FAT3: variants seen among roughly 807,000 people sequenced by gnomAD.
The protein encoded by FAT3 is FAT atypical cadherin 3.
A neutral mutation model predicts 310.2 loss-of-function variants in FAT3; 95 were observed. The ratio of observed to expected loss-of-function variants is 0.31; its 90% confidence interval spans 0.26 to 0.36. FAT3 has a LOEUF of 0.36. Ranked by LOEUF, FAT3 falls within the 10% of genes least tolerant of loss-of-function variation. FAT3 has a pLI of 1.00. For missense variants in FAT3, 5,408 were observed against 5,715.6 expected, an observed-to-expected ratio of 0.95 and a Z score of 1.74; for synonymous variants, 2,314 against 2,192.9, an observed-to-expected ratio of 1.06 and a Z score of -1.54.
intron 3 of FAT3, among the ~76,000 whole-genome samples, chr11:92,556,516 C>T (rs1272669214): frequency 6.6e-6 from 1 of 152,162 alleles, no homozygotes; most frequent in African/African-American, 2.4e-5. Context: ...TTTCTGTTTA[C>T]ATGCCTCCCT....
chr11:92,596,213 A>G (rs533411244), intron 3 of FAT3, among the ~76,000 whole-genome samples: 1 of 152,122 alleles, frequency 6.6e-6, no homozygotes, highest in Non-Finnish European at 1.5e-5. Flanking sequence ...GGGCTTCACC[A>G]TTGCGTTATC....
intron 2 of FAT3, among the ~76,000 whole-genome samples, chr11:92,474,837 G>C (rs950840131): frequency 6.6e-6 from 1 of 152,174 alleles, no homozygotes. Flanking sequence ...TAAGAAGGTG[G>C]ACAGTGGGGA....
At chr11:92,826,336 G>A (rs184918230) in intron 13 of FAT3, among the ~76,000 whole-genome samples, 1 of 152,338 alleles carries the variant, frequency 6.6e-6, no homozygotes, top group African/African-American at 2.4e-5. Context: ...GGGTCATAAA[G>A]ACTGAAATCT....
rs373120197 is a variant in FAT3, at chr11:92,353,590, C to A, written c.1478C>A (p.Thr493Lys). Residue 493 changes from threonine (T) to lysine (K), a missense_variant, in exon 2 of 28, where the codon ACA becomes AAA. Physicochemically the swap from Thr to Lys is moderately conservative, Grantham distance 78. This residue lies in a region of FAT3 where 4,588 missense variants were observed against 4,809.8 expected (regional missense o/e 0.95). Transcript: ENST00000525166. Reference sequence around the variant, plus strand: ...GTCCCAGTGGGAACCAGCGTTCTAACAGTTTCAGCTTCTGATAAGGATAAA... The same window carrying A: ...GTCCCAGTGGGAACCAGCGTTCTAAAAGTTTCAGCTTCTGATAAGGATAAA... ...ESVPVGTSVL[T>K]VSASDKDKGE... 1 of 1,613,798 alleles carries A rather than the reference C, an allele frequency of 6.2e-7. No individual in the cohort carries two copies. The highest frequency in any genetic ancestry group is 1.1e-5 in the South Asian group (1 of 91,072).
At chr11:92,807,936 T>A (rs1947553099) in intron 12 of FAT3, among the ~76,000 whole-genome samples, 1 of 152,206 alleles carries the variant, frequency 6.6e-6, no homozygotes, top group Admixed American at 6.5e-5. Flanking sequence ...ATATTTCCAG[T>A]GTTGTGTTGG....
Position 92,399,547 on chromosome 11 carries a change from A to G in FAT3, c.3292+44143A>G, listed in dbSNP as rs576446886. Among the ~76,000 whole-genome samples the G allele has an allele frequency of 2.0e-3, 306 of 152,332 alleles. 1 individual carries two copies. The highest frequency in any genetic ancestry group is 2.1e-3 in the Non-Finnish European group (145 of 68,042). On this transcript the variant is annotated intron_variant, in intron 2 of 27. Coordinates refer to ENST00000525166, the MANE Select transcript of FAT3 (RefSeq NM_001367949.2). The stretch of plus-strand genomic sequence containing the variant: ...TTGTTAACAAAACTGGCAAACTAGT[A>G]AAACTAGTTTGGGGAACAAACTCAG...
In FAT3 at chr11:92,840,586, A is replaced by G. The variant is rs1948513766; in HGVS notation, c.10393A>G (p.Ile3465Val). 1 of 1,599,006 alleles carries G rather than the reference A, an allele frequency of 6.3e-7. No homozygotes were observed. ...IQENKPVGTSILQLVVTDRDS... is the reference protein window; with the variant it reads ...IQENKPVGTSVLQLVVTDRDS... ...GGAAAATAAGCCAGTGGGCACCAGC[A>G]TCTTGCAGCTGGTGGTGACAGACAG... The change falls in exon 18 of 28, where the codon ATC becomes GTC. Residue 3465 changes from isoleucine to valine, a missense_variant. Physicochemically the swap from Ile to Val is conservative, Grantham distance 29 (BLOSUM62 3). Coordinates refer to ENST00000525166, the MANE Select transcript of FAT3 (RefSeq NM_001367949.2).
chr11:92,747,889 G>C (rs571732818), intron 4 of FAT3, among the ~76,000 whole-genome samples: 3 of 152,216 alleles, frequency 2.0e-5, no homozygotes, highest in African/African-American at 7.2e-5. Flanking sequence ...TCAGCATTTT[G>C]GTCAAACCCA....
chr11:92,232,628 G>GTTTTTTTTTTT lies in FAT3; in HGVS notation c.-18+7470_-18+7480dup, dbSNP rs56273706. 1.2e-4 allele frequency among the ~76,000 whole-genome samples: 9 copies of GTTTTTTTTTTT among 74,748 alleles called. 1 individual carries two copies. Among genetic ancestry groups the GTTTTTTTTTTT allele is most frequent in the African/African-American group, 1.7e-4 (3 of 17,378 alleles). The allele number at this position is 74,748 out of a possible 152,430, so 49.0% of individuals were successfully genotyped here. ...TGTGCTTCTTGACTTCAGTGATGTC[G>GTTTTTTTTTTT]TTTTTTTTTTTTTTTTTTTTTTTTT... On this transcript the variant is annotated intron_variant, in intron 1 of 27. Transcript: ENST00000525166.
chr11:92,551,414 T>TTTTGTGTGTG (rs139398937), intron 3 of FAT3, among the ~76,000 whole-genome samples: 6 of 128,874 alleles, frequency 4.7e-5, no homozygotes, highest in East Asian at 2.4e-4. Context: ...TTTTTTTGTT[T>TTTTGTGTGTG]TGTGTGTGTG....
At position 92,227,237 on chromosome 11, in the gene FAT3, G is replaced by C. The variant is rs538173048; in HGVS notation, c.-18+2063G>C. On this transcript the variant is annotated intron_variant, in intron 1 of 27. Coordinates refer to ENST00000525166, the MANE Select transcript of FAT3 (RefSeq NM_001367949.2). Reference sequence around the variant, plus strand: ...CTTGCCTCGGACATATTAATTTTCTGGCCCCGACGCTAGTCTTTTCAAAGG... The same window carrying C: ...CTTGCCTCGGACATATTAATTTTCTCGCCCCGACGCTAGTCTTTTCAAAGG... Among the ~76,000 whole-genome samples, 4 of 152,310 alleles carry C rather than the reference G, an allele frequency of 2.6e-5. No homozygotes were observed. The East Asian group carries it at 7.7e-4, about 29-fold the overall frequency.
chr11:92,515,073 C>T (rs369463878), intron 2 of FAT3, among the ~76,000 whole-genome samples: 1 of 152,030 alleles, frequency 6.6e-6, no homozygotes, highest in East Asian at 1.9e-4. Context: ...GCTAATGAAT[C>T]GCTTCATTGA....
chr11:92,596,331 G>C (rs777355154), intron 3 of FAT3, among the ~76,000 whole-genome samples: 1 of 152,088 alleles, frequency 6.6e-6, no homozygotes, highest in Non-Finnish European at 1.5e-5. Context: ...AGGGACTCCA[G>C]GGAGCTGTCT....
At chr11:92,546,311 TA>T (rs1954616901) in intron 3 of FAT3, among the ~76,000 whole-genome samples, 1 of 152,242 alleles carries the variant, frequency 6.6e-6, no homozygotes, top group Admixed American at 6.5e-5. Context: ...AGAAGGAGTC[TA>T]TTTGTATGGT....
Position 92,866,997 on chromosome 11 carries a change from A to G in FAT3, c.11915A>G (p.Asp3972Gly), listed in dbSNP as rs1279580614. 6.2e-7 allele frequency: 1 copy of G among 1,607,832 alleles called. No individual in the cohort carries two copies. The highest frequency in any genetic ancestry group is 8.5e-7 in the Non-Finnish European group (1 of 1,177,264). The change falls in exon 22 of 28, where the codon GAC becomes GGC. Residue 3972 changes from aspartate to glycine, a missense_variant. Physicochemically the swap from Asp to Gly is moderately conservative, Grantham distance 94. This residue lies in a region of FAT3 where 4,588 missense variants were observed against 4,809.8 expected (regional missense o/e 0.95). Coordinates refer to ENST00000525166, the MANE Select transcript of FAT3 (RefSeq NM_001367949.2). Reference sequence around the variant, plus strand: ...GCGGATAACATCCGCAGCCTGACTGACACGCGGGTCACGCAGGTGCTCAGC... The same window carrying G: ...GCGGATAACATCCGCAGCCTGACTGGCACGCGGGTCACGCAGGTGCTCAGC... Reference protein sequence around the residue: ...VQADNIRSLTDTRVTQVLSGF... With the variant: ...VQADNIRSLTGTRVTQVLSGF...
At chr11:92,615,316 C>T (rs901010797) in intron 3 of FAT3, among the ~76,000 whole-genome samples, 5 of 152,038 alleles carry the variant, frequency 3.3e-5, no homozygotes, top group Admixed American at 1.3e-4. Context: ...GCACGATCTT[C>T]GCTCACTGCA....
chr11:92,895,898 T>C lies in FAT3; in HGVS notation c.*4785T>C, dbSNP rs918021586. 3 of 148,200 alleles carry C rather than the reference T, an allele frequency of 2.0e-5. No individual in the cohort carries two copies. The highest frequency in any genetic ancestry group is 4.5e-5 in the Non-Finnish European group (3 of 67,360). 9.2% of individuals were successfully genotyped at this position (148,200 alleles called of 1,614,324 possible). On this transcript the variant is annotated 3_prime_UTR_variant, in exon 28 of 28. Transcript: ENST00000525166. ...AATTGTAAGTCATCCACGCTGTTGG[T>C]CTGCAAACTTTTGAGGTAACTACAC...
At chr11:92,763,553 A>G (rs1451585433) in intron 5 of FAT3, among the ~76,000 whole-genome samples, 3 of 152,074 alleles carry the variant, frequency 2.0e-5, no homozygotes, top group Middle Eastern at 3.2e-3. Flanking sequence ...TCATCCTTGG[A>G]TGATTCTTGG....
chr11:92,239,766 A>G (rs1864595409), intron 1 of FAT3, among the ~76,000 whole-genome samples: 1 of 152,138 alleles, frequency 6.6e-6, no homozygotes, highest in African/African-American at 2.4e-5. Flanking sequence ...AAGATGGAAG[A>G]TAAAATGTAG....
Sources: allele counts gnomAD v4.1 joint callset (sites outside exome capture counted in the v4.1 genomes callset), GRCh38; gene constraint gnomAD v4.1.1; regional missense constraint gnomAD v4.1.1; transcripts MANE v1.5; gene names NCBI Gene and HGNC (gene_info 2026-07-23, HGNC 2026-07-21).